MICU2: variants seen among roughly 807,000 people sequenced by gnomAD.
MICU2 encodes the protein mitochondrial calcium uptake 2.
A neutral mutation model predicts 60.4 loss-of-function variants in MICU2; 64 were observed. That is an observed-to-expected ratio of 1.06 (90% CI 0.87 to 1.31). The LOEUF is 1.31. Ranked by LOEUF, MICU2 falls within the 50% of genes most tolerant of loss-of-function variation. The pLI is 0.00. For synonymous variants in MICU2, 201 were observed against 175.0 expected (o/e 1.15, Z -1.17); for missense variants, 569 against 531.0 (o/e 1.07, Z -0.70).
intron 10 of MICU2, chr13:21,495,689 C>T: frequency 4.7e-6 from 1 of 213,282 alleles, no homozygotes; most frequent in Non-Finnish European, 9.3e-6. Flanking sequence ...GCGCCTGCCA[C>T]CACGCCCAGC....
intron 1 of MICU2, among the ~76,000 whole-genome samples, chr13:21,602,229 A>G (rs1302842660): frequency 6.6e-6 from 1 of 151,556 alleles, no homozygotes; most frequent in African/African-American, 2.4e-5. Context: ...GGTCTTAAAA[A>G]CAGGATGAAT....
chr13:21,573,749 A>G (rs1188011155), intron 1 of MICU2, among the ~76,000 whole-genome samples: 1 of 152,074 alleles, frequency 6.6e-6, no homozygotes, highest in Non-Finnish European at 1.5e-5. Flanking sequence ...AAAAAAAAAA[A>G]GACACAGTAG....
At chr13:21,540,828 T>C (rs933056400) in intron 2 of MICU2, among the ~76,000 whole-genome samples, 40 of 152,144 alleles carry the variant, frequency 2.6e-4, no homozygotes, top group Non-Finnish European at 7.4e-5. Context: ...TTACCATTTA[T>C]TGGACAAATC....
intron 1 of MICU2, among the ~76,000 whole-genome samples, chr13:21,595,711 G>A (rs894134132): frequency 2.0e-5 from 3 of 152,226 alleles, no homozygotes; most frequent in African/African-American, 7.2e-5. Context: ...ACTAGTTGTG[G>A]CCTGTGCCAT....
rs578054316 is a variant in MICU2 at position 21,510,488 on chromosome 13, T to C, written c.664-387A>G. On this transcript the variant is annotated intron_variant, in intron 7 of 11. Coordinates refer to ENST00000382374, the MANE Select transcript of MICU2 (RefSeq NM_152726.3). ...AAAGTCTTTGAGCTTTTGTTGAATGTTGGAAATACTTGGAAAACACTTGCT... is the reference window on the plus strand; with the variant it reads ...AAAGTCTTTGAGCTTTTGTTGAATGCTGGAAATACTTGGAAAACACTTGCT... 4.0e-4 allele frequency among the ~76,000 whole-genome samples: 61 copies of C among 152,206 alleles called. 1 individual carries two copies. Among genetic ancestry groups the C allele is most frequent in the Non-Finnish European group, 7.8e-4 (53 of 68,040 alleles).
Position 21,532,108 on chromosome 13 carries a change from G to C in MICU2, c.466+7194C>G, listed in dbSNP as rs369237277. On this transcript the variant is annotated intron_variant, in intron 4 of 11. Coordinates refer to ENST00000382374, the MANE Select transcript of MICU2 (RefSeq NM_152726.3). ...CACAAATCTTGCCCCTATACGTAGA[G>C]GGCGAATGAAGAGAACACTGATCTC... Among the ~76,000 whole-genome samples, 576 of 152,292 alleles carry C rather than the reference G, an allele frequency of 3.8e-3. 8 individuals are homozygous for C. Among genetic ancestry groups the C allele is most frequent in the African/African-American group, 0.013 (560 of 41,546 alleles).
intron 7 of MICU2, among the ~76,000 whole-genome samples, chr13:21,511,825 T>C (rs1220353810): frequency 2.6e-5 from 4 of 152,194 alleles, no homozygotes; most frequent in South Asian, 2.1e-4. Context: ...TTTTTTTTTT[T>C]TCCCAGCATA....
At chr13:21,545,038 T>C (rs1193604535) in intron 2 of MICU2, among the ~76,000 whole-genome samples, 1 of 152,002 alleles carries the variant, frequency 6.6e-6, no homozygotes, top group Non-Finnish European at 1.5e-5. Context: ...CTCACAAAAC[T>C]AAAAATAGAA....
chr13:21,515,798 C>A, intron 6 of MICU2: 1 of 165,266 alleles, frequency 6.1e-6, no homozygotes. Flanking sequence ...AATCTCTCAG[C>A]CAGTTTTCAA....
rs557575359 is a variant in MICU2 at position 21,580,400 on chromosome 13, G to A, written c.211-13456C>T. 7.2e-5 allele frequency among the ~76,000 whole-genome samples: 11 copies of A among 152,262 alleles called. 1 individual carries two copies. In the South Asian group the frequency reaches 2.1e-3, roughly 29 times the overall value. On this transcript the variant is annotated intron_variant, in intron 1 of 11. Transcript: ENST00000382374. ...GTAGGCATGGACAGAGCTAGCATTT[G>A]GGTAATCTTTCCCTTTTAAAACTTA...
At chr13:21,509,583 G>C (rs1411685831) in intron 8 of MICU2, among the ~76,000 whole-genome samples, 1 of 152,196 alleles carries the variant, frequency 6.6e-6, no homozygotes, top group African/African-American at 2.4e-5. Flanking sequence ...GACTGCAAAT[G>C]CAAGAGTACT....
intron 9 of MICU2, among the ~76,000 whole-genome samples, chr13:21,498,723 CCTT>C (rs993456098): frequency 3.7e-4 from 56 of 151,974 alleles, no homozygotes; most frequent in African/African-American, 1.3e-3. Flanking sequence ...ACACACGTCT[CCTT>C]GTTTTACACA....
chr13:21,563,424 C>T (rs1263246985), intron 2 of MICU2, among the ~76,000 whole-genome samples: 1 of 150,736 alleles, frequency 6.6e-6, no homozygotes, highest in East Asian at 2.0e-4. Context: ...CACTGCACTC[C>T]AGCCTGGGCT....
chr13:21,535,966 G>C (rs1887120452), intron 4 of MICU2, among the ~76,000 whole-genome samples: 2 of 152,126 alleles, frequency 1.3e-5, no homozygotes, highest in Admixed American at 1.3e-4. Context: ...TTGAATTTAA[G>C]TCTGTCAACT....
In MICU2 at chr13:21,552,852, GTC is replaced by G. The variant is rs1887606839; in HGVS notation, c.359-13166_359-13165del. Among the ~76,000 whole-genome samples, 7 of 152,316 alleles carry G rather than the reference GTC, an allele frequency of 4.6e-5. No individual in the cohort carries two copies. In the South Asian group the frequency reaches 1.4e-3, roughly 32 times the overall value. On this transcript the variant is annotated intron_variant, in intron 2 of 11. Transcript: ENST00000382374. ...CTGTAGCCTTGTAGTATAGTTTGAAGTCAGGTAGCGTGATGCCTCCAGCTTTG... is the reference window on the plus strand; with the variant it reads ...CTGTAGCCTTGTAGTATAGTTTGAAGAGGTAGCGTGATGCCTCCAGCTTTG...
chr13:21,566,665 G>T, intron 2 of MICU2, 132 bp downstream of exon 2: 1 of 708,260 alleles, frequency 1.4e-6, no homozygotes, highest in East Asian at 2.9e-5. Context: ...CACAAGAAAA[G>T]TCTAAATAAG....
chr13:21,518,289 T>C (rs1313956245), intron 6 of MICU2, among the ~76,000 whole-genome samples: 5 of 152,226 alleles, frequency 3.3e-5, no homozygotes, highest in Non-Finnish European at 7.4e-5. Flanking sequence ...TCAGTGTAGC[T>C]CTGTGAAAAC....
At chr13:21,598,784 T>G (rs1888752450) in intron 1 of MICU2, among the ~76,000 whole-genome samples, 1 of 152,212 alleles carries the variant, frequency 6.6e-6, no homozygotes, top group Admixed American at 6.5e-5. Flanking sequence ...CTGTTGAGTA[T>G]CTACTTAGTG....
chr13:21,575,373 T>C (rs1034653866), intron 1 of MICU2, among the ~76,000 whole-genome samples: 7 of 151,676 alleles, frequency 4.6e-5, no homozygotes, highest in African/African-American at 1.7e-4. Flanking sequence ...ACTACATATA[T>C]TTCTGTCTCT....
Sources: allele counts gnomAD v4.1 joint callset (sites outside exome capture counted in the v4.1 genomes callset), GRCh38; gene constraint gnomAD v4.1.1; transcripts MANE v1.5; gene names NCBI Gene and HGNC (gene_info 2026-07-23, HGNC 2026-07-21).